Variants in ITPR1 observed in about 807,000 individuals in gnomAD.
ITPR1 encodes the protein inositol 1,4,5-trisphosphate receptor type 1, also known as inositol 1,4,5-trisphosphate-gated calcium channel ITPR1.
In ITPR1, 96 loss-of-function variants were observed where a neutral mutation model predicts 318.4. That is an observed-to-expected ratio of 0.30 (90% confidence interval 0.26 to 0.36). The LOEUF (loss-of-function observed/expected upper bound fraction) is 0.36, where lower values mean the gene tolerates loss of function less well. Ranked by LOEUF, ITPR1 falls within the 10% of genes least tolerant of loss-of-function variation. The pLI is 1.00. For synonymous variants in ITPR1, 1,312 were observed against 1,289.9 expected (o/e 1.02, Z -0.37); for missense variants, 2,440 against 3,460.2 (o/e 0.71, Z 7.40).
intron 4 of ITPR1, among the ~76,000 whole-genome samples, chr3:4,573,748 CTT>C (rs2088289878): frequency 6.6e-6 from 1 of 152,216 alleles, no homozygotes; most frequent in African/African-American, 2.4e-5. Flanking sequence ...TCACAGAGGC[CTT>C]TCCAAACAGC....
rs139412725 is a variant in ITPR1, at chr3:4,666,941, A to G, written c.1714-436A>G. ...AGTATTTTTACCACAAATAAAGGAA[A>G]TGAAACAGGGTAACATTGTTCCAGA... On this transcript the variant is annotated intron_variant, in intron 17 of 61. Coordinates refer to ENST00000649015, the MANE Select transcript of ITPR1 (RefSeq NM_001378452.1). Among the ~76,000 whole-genome samples, 1,312 of 152,338 alleles carry G rather than the reference A, an allele frequency of 8.6e-3. 28 individuals carry two copies. The highest frequency in any genetic ancestry group is 0.03 in the African/African-American group (1,263 of 41,582).
Position 4,800,837 on chromosome 3 carries a change from G to A in ITPR1, c.7107+237G>A, listed in dbSNP as rs2048181856. 2.0e-5 allele frequency among the ~76,000 whole-genome samples: 3 copies of A among 152,330 alleles called. No homozygotes were observed. In the South Asian group the frequency reaches 6.2e-4, roughly 32 times the overall value. On this transcript the variant is annotated intron_variant, in intron 54 of 61. Transcript: ENST00000649015. ...GGGCATCAGCACTTTCACTTTTAGG[G>A]ACTATCCCTGTCAGGAGATAGGCAG...
intron 4 of ITPR1, among the ~76,000 whole-genome samples, chr3:4,539,210 G>C (rs2084166587): frequency 6.6e-6 from 1 of 151,958 alleles, no homozygotes; most frequent in African/African-American, 2.4e-5. Flanking sequence ...TATTTTTATA[G>C]TTCTGATTTT....
At chr3:4,787,872 TACCACC>T in intron 51 of ITPR1, 69 bp from the exon 52 acceptor site, 1 of 1,031,166 alleles carries the variant, frequency 9.7e-7, no homozygotes, top group Non-Finnish European at 1.4e-6. Context: ...CCACCGAGTC[TACCACC>T]AGTAGCAAAT....
intron 44 of ITPR1, among the ~76,000 whole-genome samples, chr3:4,760,855 G>C (rs75725986): frequency 2.6e-5 from 4 of 152,134 alleles, no homozygotes; most frequent in African/African-American, 9.7e-5. Flanking sequence ...GGGCCCACCC[G>C]GGTAATCCAA....
chr3:4,574,244 A>G (rs1033540298), intron 4 of ITPR1, among the ~76,000 whole-genome samples: 1 of 141,702 alleles, frequency 7.1e-6, no homozygotes, highest in Non-Finnish European at 1.5e-5. Flanking sequence ...AAATTCAGGG[A>G]TTGATGGGAA....
chr3:4,758,841 C>T (rs990555067), intron 44 of ITPR1, among the ~76,000 whole-genome samples: 30 of 152,116 alleles, frequency 2.0e-4, no homozygotes, highest in Non-Finnish European at 3.8e-4. Context: ...GCCCTGGGTT[C>T]GTTAGCTGAA....
intron 54 of ITPR1, among the ~76,000 whole-genome samples, chr3:4,802,278 A>G (rs1290383453): frequency 6.6e-6 from 1 of 152,158 alleles, no homozygotes; most frequent in African/African-American, 2.4e-5. Flanking sequence ...TTAGTGTTGT[A>G]TAGAATGTAT....
chr3:4,693,816 G>A, intron 33 of ITPR1, 75 bp downstream of exon 33: 1 of 1,492,618 alleles, frequency 6.7e-7, no homozygotes, highest in South Asian at 1.3e-5. Flanking sequence ...TGGGAGACAT[G>A]GTGGTGGCTG....
chr3:4,616,831 C>A (rs2092408359), intron 4 of ITPR1, among the ~76,000 whole-genome samples: 1 of 152,160 alleles, frequency 6.6e-6, no homozygotes, highest in Admixed American at 6.5e-5. Context: ...CTATCTTCTT[C>A]CTGGGCACAG....
intron 5 of ITPR1, among the ~76,000 whole-genome samples, chr3:4,629,151 C>A (rs563722941): frequency 6.6e-6 from 1 of 152,222 alleles, no homozygotes; most frequent in East Asian, 1.9e-4. Context: ...CTGCTGCCCC[C>A]ACAGAGGCTT....
intron 51 of ITPR1, among the ~76,000 whole-genome samples, chr3:4,786,894 A>T (rs1362108082): frequency 6.6e-6 from 1 of 152,160 alleles, no homozygotes; most frequent in African/African-American, 2.4e-5. Flanking sequence ...ATAACCAAAG[A>T]TCTCTTTTTA....
chr3:4,517,690 A>G (rs962845076), intron 3 of ITPR1, among the ~76,000 whole-genome samples: 3 of 152,292 alleles, frequency 2.0e-5, no homozygotes, highest in Admixed American at 6.5e-5. Flanking sequence ...GACTTTCTAC[A>G]TTTGACCTCT....
chr3:4,720,244 A>G (rs2042053412), intron 40 of ITPR1, among the ~76,000 whole-genome samples: 1 of 152,222 alleles, frequency 6.6e-6, no homozygotes, highest in African/African-American at 2.4e-5. Context: ...GGACAATAAT[A>G]CAGATTCATG....
intron 4 of ITPR1, among the ~76,000 whole-genome samples, chr3:4,527,832 G>A (rs982889537): frequency 5.3e-5 from 8 of 152,164 alleles, no homozygotes; most frequent in Non-Finnish European, 8.8e-5. Flanking sequence ...CAGTCCCAGA[G>A]TGCTGGCACC....
chr3:4,830,031 T>C (rs1355160100), intron 60 of ITPR1, among the ~76,000 whole-genome samples: 1 of 131,352 alleles, frequency 7.6e-6, no homozygotes, highest in Non-Finnish European at 1.6e-5. Context: ...TGGAGTGCAT[T>C]GGCACCATCT....
At chr3:4,504,351 C>T (rs1384643412) in intron 2 of ITPR1, among the ~76,000 whole-genome samples, 1 of 152,138 alleles carries the variant, frequency 6.6e-6, no homozygotes, top group Non-Finnish European at 1.5e-5. Context: ...TAGAGAATCA[C>T]TCCTCTGAAC....
intron 50 of ITPR1, 87 bp downstream of exon 50, chr3:4,782,828 C>T: frequency 7.9e-7 from 1 of 1,271,646 alleles, no homozygotes. Context: ...TCTTGCTTTT[C>T]CTTTATGACT....
chr3:4,772,309 G>C (rs1188398764), intron 46 of ITPR1, among the ~76,000 whole-genome samples: 2 of 152,240 alleles, frequency 1.3e-5, no homozygotes, highest in Non-Finnish European at 1.5e-5. Context: ...GAGGGAGAAG[G>C]AATCTGGCCT....
Sources: allele counts gnomAD v4.1 joint callset (sites outside exome capture counted in the v4.1 genomes callset), GRCh38; gene constraint gnomAD v4.1.1; transcripts MANE v1.5; gene names NCBI Gene and HGNC (gene_info 2026-07-23, HGNC 2026-07-21).